Variants in RHOBTB3 observed in about 807,000 individuals in gnomAD.
The protein encoded by RHOBTB3 is Rho related BTB domain containing 3.
A neutral mutation model predicts 67.2 loss-of-function variants in RHOBTB3; 47 were observed. The ratio of observed to expected loss-of-function variants is 0.70; its 90% CI spans 0.55 to 0.89. The LOEUF (loss-of-function observed/expected upper bound fraction) is 0.89, where lower values mean the gene tolerates loss of function less well. RHOBTB3 is among the 40% of genes least tolerant of loss of function. The probability of loss-of-function intolerance (pLI) is 0.00; values close to 1 mark genes in which losing one functional copy is unlikely to be tolerated. For missense variants in RHOBTB3, 631 were observed against 750.0 expected (o/e 0.84, Z 1.85); for synonymous variants, 273 against 274.2 (o/e 1.00, Z 0.04).
chr5:95,793,309 AGTTCTCTTTG>A lies in RHOBTB3; in HGVS notation c.*137_*146del. 1 of 548,038 alleles carries A rather than the reference AGTTCTCTTTG, an allele frequency of 1.8e-6. No homozygotes were observed. The highest frequency in any genetic ancestry group is 3.2e-6 in the Non-Finnish European group (1 of 313,650). 33.9% of individuals were successfully genotyped at this position (548,038 alleles called of 1,614,324 possible). A position where few individuals can be genotyped will look rare whatever the true frequency, so the allele number is the denominator to read the frequency against. ...TACCATATAGCTTAATATGTTTATT[AGTTCTCTTTG>A]GAAAAAAACTACCACTGTGGTCTTA... On this transcript the variant is annotated 3_prime_UTR_variant, in exon 12 of 12. Coordinates refer to ENST00000379982, the MANE Select transcript of RHOBTB3 (RefSeq NM_014899.4).
intron 6 of RHOBTB3, among the ~76,000 whole-genome samples, chr5:95,760,336 T>G (rs1274380879): frequency 6.6e-6 from 1 of 152,238 alleles, no homozygotes; most frequent in Admixed American, 6.5e-5. Flanking sequence ...AACATTCTTA[T>G]AATACTTGAT....
chr5:95,761,715 C>T (rs1745400676), intron 6 of RHOBTB3, among the ~76,000 whole-genome samples: 1 of 152,148 alleles, frequency 6.6e-6, no homozygotes, highest in African/African-American at 2.4e-5. Flanking sequence ...GAGACCTCCT[C>T]TCATGGTATT....
chr5:95,780,845 T>C (rs1409168896), intron 9 of RHOBTB3, among the ~76,000 whole-genome samples: 3 of 152,154 alleles, frequency 2.0e-5, no homozygotes, highest in African/African-American at 7.2e-5. Context: ...TTGGGGCACT[T>C]TTAAGGACTT....
At position 95,770,746 on chromosome 5, in the gene RHOBTB3, A is replaced by G. The variant is rs533847609; in HGVS notation, c.1282+2580A>G. 4 of 346,584 alleles carry G rather than the reference A, an allele frequency of 1.2e-5. No homozygotes were observed. In the East Asian group the frequency reaches 2.2e-4, roughly 19 times the overall value. The allele number at this position is 346,584 out of a possible 1,614,324, so 21.5% of individuals were successfully genotyped here. On this transcript the variant is annotated intron_variant, in intron 8 of 11. Coordinates refer to ENST00000379982, the MANE Select transcript of RHOBTB3 (RefSeq NM_014899.4). ...TTGACATTTATTAATGAACGGTGAT[A>G]GGAAGCTCAAGGCAGTATTTCTCAC...
chr5:95,791,718 T>C (rs527903374), intron 11 of RHOBTB3, among the ~76,000 whole-genome samples: 36 of 152,182 alleles, frequency 2.4e-4, no homozygotes, highest in East Asian at 1.5e-3. Context: ...CTTTTCTTTT[T>C]TTTTTTTAGT....
rs1454382776 is a variant in RHOBTB3, at chr5:95,780,319, T to C, written c.1350T>C (p.Asn450=). ...GTGAAGTGATGGCAGCCATGTTTAATGGTAATTACATGGAAGCAAAGAGTG... is the reference window on the plus strand; with the variant it reads ...GTGAAGTGATGGCAGCCATGTTTAACGGTAATTACATGGAAGCAAAGAGTG... ...ARCEVMAAMF[N]GNYMEAKSVL... is the part of the protein sequence containing the mutation. Residue 450 remains asparagine (N), a synonymous_variant, in exon 9 of 12, where the codon AAT becomes AAC. Transcript: ENST00000379982. 1.2e-6 allele frequency: 2 copies of C among 1,613,578 alleles called. No individual in the cohort carries two copies. Among genetic ancestry groups the C allele is most frequent in the Admixed American group, 1.7e-5 (1 of 60,028 alleles).
intron 8 of RHOBTB3, among the ~76,000 whole-genome samples, chr5:95,776,513 A>G (rs1413177262): frequency 2.6e-5 from 4 of 152,252 alleles, no homozygotes; most frequent in Admixed American, 2.6e-4. Context: ...TTGAAGTGAC[A>G]TGTAATAAGT....
chr5:95,744,442 C>T (rs1755693466), intron 3 of RHOBTB3, among the ~76,000 whole-genome samples: 1 of 152,040 alleles, frequency 6.6e-6, no homozygotes, highest in Non-Finnish European at 1.5e-5. Context: ...TATCTTCTCT[C>T]AGTTGACTAT....
intron 3 of RHOBTB3, among the ~76,000 whole-genome samples, chr5:95,740,438 TC>T (rs2112780902): frequency 6.6e-6 from 1 of 152,212 alleles, no homozygotes; most frequent in East Asian, 1.9e-4. Flanking sequence ...TTTGGCAACA[TC>T]CCCCAAATGC....
chr5:95,775,501 C>G lies in RHOBTB3; in HGVS notation c.1283-4751C>G, dbSNP rs113172449. Among the ~76,000 whole-genome samples, 1,401 of 150,144 alleles carry G rather than the reference C, an allele frequency of 9.3e-3. 14 individuals carry two copies. Among genetic ancestry groups the G allele is most frequent in the South Asian group, 0.049 (234 of 4,772 alleles). The stretch of plus-strand genomic sequence containing the variant: ...CTCTTTCTCTCAAATATTCCAAAAT[C>G]TAAAAAAAATGGAAATGTTGAAACA... On this transcript the variant is annotated intron_variant, in intron 8 of 11. Transcript: ENST00000379982.
At chr5:95,738,583 G>T (rs1561439950) in intron 3 of RHOBTB3, among the ~76,000 whole-genome samples, 1 of 151,956 alleles carries the variant, frequency 6.6e-6, no homozygotes, top group Non-Finnish European at 1.5e-5. Context: ...GCCCCCTTCT[G>T]CCCTCTGTCT....
intron 4 of RHOBTB3, among the ~76,000 whole-genome samples, chr5:95,749,820 C>G (rs1745037560): frequency 1.3e-5 from 2 of 152,162 alleles, no homozygotes; most frequent in Admixed American, 1.3e-4. Context: ...TCTCCTTGCT[C>G]CCTGTTCTAG....
intron 6 of RHOBTB3, among the ~76,000 whole-genome samples, chr5:95,759,048 C>T (rs1327001575): frequency 1.3e-5 from 2 of 152,168 alleles, no homozygotes; most frequent in Non-Finnish European, 2.9e-5. Flanking sequence ...GTGTCCCTGA[C>T]GCGAGGAAAA....
Position 95,731,945 on chromosome 5 carries a change from G to T in RHOBTB3, c.89G>T (p.Gly30Val). ...TCGGGGCTTATCCGCACTTACCTGGGGAGAAGCCCTCTGGTCTCCGGGGAC... is the reference window on the plus strand; with the variant it reads ...TCGGGGCTTATCCGCACTTACCTGGTGAGAAGCCCTCTGGTCTCCGGGGAC... Reference protein sequence around the residue: ...RPSGLIRTYLGRSPLVSGDES... With the variant: ...RPSGLIRTYLVRSPLVSGDES... The change falls in exon 2 of 12, where the codon GGG (glycine) becomes GTG (valine). Residue 30 changes from glycine to valine, a missense_variant. Coordinates refer to ENST00000379982, the MANE Select transcript of RHOBTB3 (RefSeq NM_014899.4). 1 of 1,614,148 alleles carries T rather than the reference G, an allele frequency of 6.2e-7. No homozygotes were observed. The highest frequency in any genetic ancestry group is 8.5e-7 in the Non-Finnish European group (1 of 1,180,030).
In RHOBTB3 at chr5:95,748,427, G is replaced by T. The variant is rs34896; in HGVS notation, c.510G>T (p.Ala170=). The change falls in exon 4 of 12, where the codon GCG becomes GCT. Residue 170 remains alanine (A), a synonymous_variant. Coordinates refer to ENST00000379982, the MANE Select transcript of RHOBTB3 (RefSeq NM_014899.4). ...EGIQLAKELG[A]TYLELHSLDD... The stretch of plus-strand genomic sequence containing the variant: ...TCCAACTTGCAAAAGAACTAGGAGC[G>T]ACCTATCTTGAACTCCACAGCCTTG... 1.9e-6 allele frequency: 3 copies of T among 1,613,140 alleles called. No homozygotes were observed. The South Asian group carries it at 3.3e-5, about 18-fold the overall frequency.
chr5:95,730,243 C>A (rs1039802019), upstream of RHOBTB3, among the ~76,000 whole-genome samples: 1 of 152,120 alleles, frequency 6.6e-6, no homozygotes, highest in South Asian at 2.1e-4. Context: ...CTCTTTCATA[C>A]CCTCAAAATA....
rs70978191 is a variant in RHOBTB3, at chr5:95,741,523, GT to G, written c.415+4469del. On this transcript the variant is annotated intron_variant, in intron 3 of 11. Transcript: ENST00000379982. ...TTCTCTTTTTTTTTTCTTTCTTTCTGTTTTTTTTTTTTTTTTTTTTTAGAAA... is the reference window on the plus strand; with the variant it reads ...TTCTCTTTTTTTTTTCTTTCTTTCTGTTTTTTTTTTTTTTTTTTTTAGAAA... Among the ~76,000 whole-genome samples, 50 of 84,836 alleles carry G rather than the reference GT, an allele frequency of 5.9e-4. No individual in the cohort carries two copies. The East Asian group carries it at 8.5e-3, about 14-fold the overall frequency. 55.7% of individuals were successfully genotyped at this position (84,836 alleles called of 152,430 possible).
intron 2 of RHOBTB3, among the ~76,000 whole-genome samples, chr5:95,735,209 C>T (rs1174374658): frequency 6.6e-6 from 1 of 151,498 alleles, no homozygotes. Flanking sequence ...CCCTTGCACC[C>T]TCTACCAAGT....
At chr5:95,780,172 G>A in intron 8 of RHOBTB3, 80 bp from the exon 9 acceptor site, 1 of 1,162,572 alleles carries the variant, frequency 8.6e-7, no homozygotes, top group Non-Finnish European at 1.2e-6. Flanking sequence ...TAATGTGGTA[G>A]TCTAATTAGA....
Sources: allele counts gnomAD v4.1 joint callset (sites outside exome capture counted in the v4.1 genomes callset), GRCh38; gene constraint gnomAD v4.1.1; transcripts MANE v1.5; gene names NCBI Gene and HGNC (gene_info 2026-07-23, HGNC 2026-07-21).